The following DISP2 variants were observed in gnomAD, a reference collection of about 807,000 sequenced individuals.
The protein encoded by DISP2 is dispatched RND transporter family member 2.
Under a neutral mutation model 95.5 loss-of-function variants are expected in DISP2, and 59 were observed. The observed-to-expected ratio is 0.62, with a 90% CI of 0.50 to 0.77. DISP2 has a LOEUF of 0.77. DISP2 is among the 30% of genes least tolerant of loss of function. The pLI is 0.00. For missense variants in DISP2, 1,752 were observed against 1,854.6 expected, an observed-to-expected ratio of 0.94 and a Z score of 1.02; for synonymous variants, 827 against 815.0, an observed-to-expected ratio of 1.01 and a Z score of -0.25.
At position 40,369,746 on chromosome 15, in the gene DISP2, G is replaced by T; in HGVS notation, c.3634G>T (p.Ala1212Ser). The T allele has an allele frequency of 6.2e-7, 1 of 1,609,020 alleles. No individual in the cohort carries two copies. The change falls in exon 8 of 8, where the codon GCC (alanine) becomes TCC (serine). Residue 1212 changes from alanine to serine, a missense_variant. Physicochemically the swap from Ala to Ser is moderately conservative, Grantham distance 99. Transcript: ENST00000267889. Reference protein sequence around the residue: ...PCCSRPPPAPASPRELLLDHQ... With the variant: ...PCCSRPPPAPSSPRELLLDHQ... ...CTGTTCCCGGCCCCCACCAGCCCCT[G>T]CCTCCCCAAGGGAGCTGCTGCTGGA...
At position 40,377,799 on chromosome 15, in the gene DISP2, G is replaced by C. The variant is rs1423651281; in HGVS notation, c.*7481G>C. On this transcript the variant is annotated 3_prime_UTR_variant, in exon 8 of 8. Transcript: ENST00000267889. ...AAGGACCACCCAAAACAATGGGCCG[G>C]AACAGTAGCCAGAAGTCACACACAG... 1 of 152,618 alleles carries C rather than the reference G, an allele frequency of 6.6e-6. No homozygotes were observed. The highest frequency in any genetic ancestry group is 2.4e-5 in the African/African-American group (1 of 41,476). The allele number at this position is 152,618 out of a possible 1,614,324, so 9.5% of individuals were successfully genotyped here.
intron 2 of DISP2, 31 bp downstream of exon 2, chr15:40,363,985 C>T (rs2141260203): frequency 1.3e-6 from 2 of 1,514,224 alleles, no homozygotes; most frequent in Non-Finnish European, 1.8e-6. Flanking sequence ...CTGCCAGCTG[C>T]CACTGGAAAA....
At chr15:40,363,432 T>A (rs1170528638) in intron 1 of DISP2, among the ~76,000 whole-genome samples, 193 bp from the exon 2 acceptor site, 1 of 151,896 alleles carries the variant, frequency 6.6e-6, no homozygotes, top group Non-Finnish European at 1.5e-5. Flanking sequence ...GAGAGAATGG[T>A]CTCCATGAGG....
At position 40,368,496 on chromosome 15, in the gene DISP2, T is replaced by C; in HGVS notation, c.2384T>C (p.Leu795Pro). 1 of 1,608,152 alleles carries C rather than the reference T, an allele frequency of 6.2e-7. No homozygotes were observed. The highest frequency in any genetic ancestry group is 1.1e-5 in the South Asian group (1 of 91,068). Reference sequence around the variant, plus strand: ...CTGGACCCTCGTAGCAACAGCAGCCTGGTGAGGGACCCTGCCTTCTCGGCC... The same window carrying C: ...CTGGACCCTCGTAGCAACAGCAGCCCGGTGAGGGACCCTGCCTTCTCGGCC... ...DPLDPRSNSSLVRDPAFSASG... is the reference protein window; with the variant it reads ...DPLDPRSNSSPVRDPAFSASG... The change falls in exon 8 of 8, where the codon CTG becomes CCG. Residue 795 changes from leucine to proline, a missense_variant. Physicochemically the swap from Leu to Pro is moderately conservative, Grantham distance 98. Transcript: ENST00000267889.
intron 1 of DISP2, among the ~76,000 whole-genome samples, chr15:40,359,522 G>A (rs1393100377): frequency 6.6e-6 from 1 of 152,254 alleles, no homozygotes; most frequent in Non-Finnish European, 1.5e-5. Context: ...CTGGGACTAT[G>A]GCCTGATCAA....
At chr15:40,364,376 G>A (rs372573100) in intron 3 of DISP2, 45 bp from the exon 4 acceptor site, 65 of 1,613,126 alleles carry the variant, frequency 4.0e-5, no homozygotes, top group East Asian at 2.5e-4. Flanking sequence ...CTCAGCACCC[G>A]TTGCTACCAC....
At chr15:40,365,502 C>A in intron 6 of DISP2, 126 bp from the exon 7 acceptor site, 2 of 1,293,364 alleles carry the variant, frequency 1.5e-6, no homozygotes, top group Non-Finnish European at 2.2e-6. Context: ...ATCAGGCAGT[C>A]CATGCACAGG....
Position 40,374,014 on chromosome 15 carries a change from A to AAAAAAAAAAAAAAAAAAATATATATAT in DISP2, c.*3697_*3698insAAAAAAAAAAAAAAAAATATATATATA. ...GCGAGACTCCATCTTAAAAAAAAAA[A>AAAAAAAAAAAAAAAAAAATATATATAT]ATATATATATATATATATGTAAACT... is the stretch of plus-strand genomic sequence containing the variant. On this transcript the variant is annotated 3_prime_UTR_variant, in exon 8 of 8. Coordinates refer to ENST00000267889, the MANE Select transcript of DISP2 (RefSeq NM_033510.3). The AAAAAAAAAAAAAAAAAAATATATATAT allele has an allele frequency of 1.4e-4, 15 of 104,178 alleles. No homozygotes were observed. Among genetic ancestry groups the AAAAAAAAAAAAAAAAAAATATATATAT allele is most frequent in the African/African-American group, 5.4e-4 (13 of 23,968 alleles). The allele number at this position is 104,178 out of a possible 1,614,324, so 6.5% of individuals were successfully genotyped here.
intron 1 of DISP2, among the ~76,000 whole-genome samples, chr15:40,361,742 G>A (rs1044283782): frequency 1.3e-5 from 2 of 152,236 alleles, no homozygotes; most frequent in Admixed American, 1.3e-4. Flanking sequence ...TGTGGGCAAT[G>A]CCCATCTGCC....
chr15:40,364,952 A>G lies in DISP2; in HGVS notation c.718A>G (p.Ser240Gly). The change falls in exon 5 of 8, where the codon AGC becomes GGC. Residue 240 changes from serine (S) to glycine (G), a missense_variant and splice_region_variant. Coordinates refer to ENST00000267889, the MANE Select transcript of DISP2 (RefSeq NM_033510.3). The part of the protein sequence containing the change: ...LFLSPDLELN[S>G]SSSHNTLRPA... ...CCTTTCCCCAGACCTTGAGCTGAAC[A>G]GGTAACAGGCTCTCATCTTTTCACT... The G allele has an allele frequency of 6.2e-7, 1 of 1,613,932 alleles. No individual in the cohort carries two copies. The highest frequency in any genetic ancestry group is 1.3e-5 in the African/African-American group (1 of 75,040).
Position 40,364,879 on chromosome 15 carries a change from G to T in DISP2, c.645G>T (p.Val215=). 6.2e-7 allele frequency: 1 copy of T among 1,614,088 alleles called. No individual in the cohort carries two copies. Residue 215 remains valine (V), a synonymous_variant, in exon 5 of 8, where the codon GTG becomes GTT. Transcript: ENST00000267889. The stretch of plus-strand genomic sequence containing the variant: ...ACACAGACATTGGGAGCAAGTTAGT[G>T]GTCTGGAGAGCACTACAAGCCCTCA... ...PRDTDIGSKL[V]VWRALQALTG... is the part of the protein sequence containing the mutation.
At chr15:40,364,344 C>A (rs921992508) in intron 3 of DISP2, 77 bp from the exon 4 acceptor site, 186 of 1,613,458 alleles carry the variant, frequency 1.2e-4, no homozygotes, top group Non-Finnish European at 1.5e-4. Flanking sequence ...CTATCTAGCA[C>A]CCCTTCTGGG....
In DISP2 at chr15:40,371,851, G is replaced by T. The variant is rs1184446691; in HGVS notation, c.*1533G>T. ...TCAAAGAGCTCACCTTCTAGCTGGG[G>T]AGACAGCTTATGCACACATGCAGGC... On this transcript the variant is annotated 3_prime_UTR_variant, in exon 8 of 8. Transcript: ENST00000267889. 1 of 152,168 alleles carries T rather than the reference G, an allele frequency of 6.6e-6. No individual in the cohort carries two copies. The highest frequency in any genetic ancestry group is 1.5e-5 in the Non-Finnish European group (1 of 68,038). 9.4% of individuals were successfully genotyped at this position (152,168 alleles called of 1,614,324 possible). A position where few individuals can be genotyped will look rare whatever the true frequency, so the allele number is the denominator to read the frequency against.
Position 40,369,012 on chromosome 15 carries a change from T to C in DISP2, c.2900T>C (p.Val967Ala). The change falls in exon 8 of 8, where the codon GTG becomes GCG. Residue 967 changes from valine (V) to alanine (A), a missense_variant. Transcript: ENST00000267889. ...AGCCTGAGCACTGAGCCTGCTGTGG[T>C]GCTGGGCCTGGCTTTGGCGCTGGCC... ...QHSLSTEPAVVLGLALALAFA... is the reference protein window; with the variant it reads ...QHSLSTEPAVALGLALALAFA... 4 of 1,614,028 alleles carry C rather than the reference T, an allele frequency of 2.5e-6. No homozygotes were observed. Among genetic ancestry groups the C allele is most frequent in the South Asian group, 1.1e-5 (1 of 91,090 alleles).
chr15:40,363,456 C>T (rs1278861580), intron 1 of DISP2, among the ~76,000 whole-genome samples, 169 bp from the exon 2 acceptor site: 1 of 152,182 alleles, frequency 6.6e-6, no homozygotes, highest in Admixed American at 6.5e-5. Context: ...GCTGAGGGCG[C>T]AGACTTCGAG....
chr15:40,369,895 A>G lies in DISP2; in HGVS notation c.3783A>G (p.Pro1261=), dbSNP rs1019045722. 3.8e-6 allele frequency: 6 copies of G among 1,566,410 alleles called. No individual in the cohort carries two copies. The highest frequency in any genetic ancestry group is 5.2e-6 in the Non-Finnish European group (6 of 1,155,274). The part of the protein sequence containing the change: ...DSQGEEAEPL[P]ASPEAPAHSP... ...AAGGGGAGGAGGCTGAGCCCCTGCC[A>G]GCCTCACCAGAAGCCCCAGCCCACT... Residue 1261 remains proline (P), a synonymous_variant, in exon 8 of 8, where the codon CCA becomes CCG. Coordinates refer to ENST00000267889, the MANE Select transcript of DISP2 (RefSeq NM_033510.3).
In DISP2 at chr15:40,368,100, G is replaced by A; in HGVS notation, c.1988G>A (p.Ser663Asn). 2 of 1,352,292 alleles carry A rather than the reference G, an allele frequency of 1.5e-6. No individual in the cohort carries two copies. Among genetic ancestry groups the A allele is most frequent in the South Asian group, 1.9e-5 (1 of 52,484 alleles). The allele number at this position is 1,352,292 out of a possible 1,614,324, so 83.8% of individuals were successfully genotyped here. ...CGGGCGCGGGGCCGGTGGGAGGGCA[G>A]CGCGCCCCGGCGGCTACTGCTGGCG... Reference protein sequence around the residue: ...ARRARGRWEGSAPRRLLLALH... With the variant: ...ARRARGRWEGNAPRRLLLALH... The change falls in exon 8 of 8, where the codon AGC becomes AAC. Residue 663 changes from serine to asparagine, a missense_variant. Coordinates refer to ENST00000267889, the MANE Select transcript of DISP2 (RefSeq NM_033510.3).
rs553074516 is a variant in DISP2 at position 40,362,957 on chromosome 15, T to C, written c.120-668T>C. Among the ~76,000 whole-genome samples, 4 of 152,270 alleles carry C rather than the reference T, an allele frequency of 2.6e-5. No individual in the cohort carries two copies. In the South Asian group the frequency reaches 8.3e-4, roughly 32 times the overall value. ...AGCTCTTCATCTGTCACTGAACCTGTTTTCAAATCTATCAGTTGAAGAAAA... is the reference window on the plus strand; with the variant it reads ...AGCTCTTCATCTGTCACTGAACCTGCTTTCAAATCTATCAGTTGAAGAAAA... On this transcript the variant is annotated intron_variant, in intron 1 of 7. Transcript: ENST00000267889.
intron 6 of DISP2, 129 bp downstream of exon 6, chr15:40,365,403 G>A: frequency 1.4e-6 from 2 of 1,470,482 alleles, no homozygotes; most frequent in Non-Finnish European, 1.8e-6. Flanking sequence ...GTCAAGCCAA[G>A]GAAGCCGGGT....
Sources: allele counts gnomAD v4.1 joint callset (sites outside exome capture counted in the v4.1 genomes callset), GRCh38; gene constraint gnomAD v4.1.1; transcripts MANE v1.5; gene names NCBI Gene and HGNC (gene_info 2026-07-23, HGNC 2026-07-21).